The following PCDHA1 variants were observed in gnomAD, a reference collection of about 807,000 sequenced individuals.
PCDHA1 encodes the protein protocadherin alpha-1.
A neutral mutation model predicts 61.3 loss-of-function variants in PCDHA1; 42 were observed. That is an observed-to-expected ratio of 0.69 (90% CI 0.54 to 0.89). The LOEUF (loss-of-function observed/expected upper bound fraction) is 0.89, where lower values mean the gene tolerates loss of function less well. PCDHA1 is among the 40% of genes least tolerant of loss of function. The pLI is 0.00. For missense variants in PCDHA1, 1,256 were observed against 1,235.3 expected, an observed-to-expected ratio of 1.02 and a Z score of -0.25; for synonymous variants, 610 against 553.8, an observed-to-expected ratio of 1.10 and a Z score of -1.43.
At chr5:140,824,177 T>C in intron 1 of PCDHA1, 1 of 1,609,658 alleles carries the variant, frequency 6.2e-7, no homozygotes, top group East Asian at 2.2e-5. Context: ...TTTTCAAATA[T>C]TAAATGTCAC....
At chr5:140,971,586 C>G (rs1290834481) in intron 1 of PCDHA1, among the ~76,000 whole-genome samples, 1 of 152,022 alleles carries the variant, frequency 6.6e-6, no homozygotes, top group Non-Finnish European at 1.5e-5. Context: ...TTTTTCCTAC[C>G]TAGTTACTAC....
At chr5:141,004,810 A>G (rs2098182429) in intron 3 of PCDHA1, among the ~76,000 whole-genome samples, 1 of 152,224 alleles carries the variant, frequency 6.6e-6, no homozygotes, top group Non-Finnish European at 1.5e-5. Flanking sequence ...GCTCAATTGC[A>G]GATTTGATTA....
chr5:140,893,583 T>G (rs535910), intron 1 of PCDHA1, among the ~76,000 whole-genome samples: 7,078 of 152,294 alleles, frequency 0.046, 293 homozygotes, highest in African/African-American at 0.11. Context: ...TTTGCTTGTT[T>G]GGGAAATACT....
rs781994179 is a variant in PCDHA1 at position 140,786,867 on chromosome 5, T to C, written c.577T>C (p.Trp193Arg). The C allele has an allele frequency of 6.2e-6, 10 of 1,614,088 alleles. No individual in the cohort carries two copies. Among genetic ancestry groups the C allele is most frequent in the East Asian group, 4.5e-5 (2 of 44,898 alleles). Residue 193 changes from tryptophan to arginine, a missense_variant, in exon 1 of 4, where the codon TGG (tryptophan) becomes CGG (arginine). Transcript: ENST00000504120. Reference sequence around the variant, plus strand: ...AAGTGATGAACTGAGTAAATCTCTTTGGCTTGAATTGAGAAAATATTTGGA... The same window carrying C: ...AAGTGATGAACTGAGTAAATCTCTTCGGCTTGAATTGAGAAAATATTTGGA... ...EASDELSKSL[W>R]LELRKYLDRE...
intron 1 of PCDHA1, chr5:140,822,368 C>T: frequency 6.2e-7 from 1 of 1,614,006 alleles, no homozygotes; most frequent in South Asian, 1.1e-5. Flanking sequence ...TTGAGGAAAT[C>T]CTTAGATAGA....
At chr5:140,884,254 G>A (rs1554181387) in intron 1 of PCDHA1, 2 of 1,613,406 alleles carry the variant, frequency 1.2e-6, no homozygotes, top group Admixed American at 1.7e-5. Flanking sequence ...TGACGGCCAC[G>A]GCAACGGTGC....
chr5:140,834,368 A>C (rs2150215878), intron 1 of PCDHA1: 10 of 1,555,242 alleles, frequency 6.4e-6, no homozygotes, highest in African/African-American at 1.4e-5. Flanking sequence ...CTAGAAAAAC[A>C]AGCCAATAAT....
At chr5:140,870,239 G>A (rs781847723) in intron 1 of PCDHA1, 2 of 1,614,134 alleles carry the variant, frequency 1.2e-6, no homozygotes, top group South Asian at 1.1e-5. Flanking sequence ...CGTGACTCAG[G>A]TGTCAACGGA....
chr5:140,920,692 A>T (rs552577858), intron 1 of PCDHA1, among the ~76,000 whole-genome samples: 7 of 152,114 alleles, frequency 4.6e-5, no homozygotes, highest in Non-Finnish European at 7.4e-5. Flanking sequence ...AAAAATACAA[A>T]CATTAGCTTG....
intron 1 of PCDHA1, chr5:140,835,865 G>C: frequency 1.2e-6 from 2 of 1,612,146 alleles, no homozygotes; most frequent in Non-Finnish European, 8.5e-7. Flanking sequence ...CCTACTCGCT[G>C]GTGGAGCTGC....
intron 1 of PCDHA1, chr5:140,927,896 A>T: frequency 1.2e-6 from 2 of 1,614,200 alleles, no homozygotes; most frequent in Non-Finnish European, 1.7e-6. Flanking sequence ...GACGTGAACG[A>T]TCATGCCCCC....
In PCDHA1 at chr5:140,876,831, T is replaced by G. The variant is rs201991889; in HGVS notation, c.2394+88147T>G. Reference sequence around the variant, plus strand: ...TGGCCGACGTGAACGACAATGCGCCTGCGTTCGCGCAGCCCGAGTACACAG... The same window carrying G: ...TGGCCGACGTGAACGACAATGCGCCGGCGTTCGCGCAGCCCGAGTACACAG... On this transcript the variant is annotated intron_variant, in intron 1 of 3. Coordinates refer to ENST00000504120, the MANE Select transcript of PCDHA1 (RefSeq NM_018900.4). 1.5e-4 allele frequency: 250 copies of G among 1,614,080 alleles called. 4 individuals are homozygous for G. In the East Asian group the frequency reaches 3.4e-3, roughly 22 times the overall value.
chr5:140,851,579 C>T lies in PCDHA1; in HGVS notation c.2394+62895C>T, dbSNP rs527993952. On this transcript the variant is annotated intron_variant, in intron 1 of 3. Transcript: ENST00000504120. ...ACTGAAATTTTGTCTACACTTAGAA[C>T]ATTTTTTGAAATTCAGTTTACAGAA... 1.1e-5 allele frequency: 10 copies of T among 913,374 alleles called. No homozygotes were observed. In the South Asian group the frequency reaches 4.0e-4, roughly 36 times the overall value. 56.6% of individuals were successfully genotyped at this position (913,374 alleles called of 1,614,324 possible).
intron 1 of PCDHA1, chr5:140,824,262 T>G: frequency 7.6e-7 from 1 of 1,308,960 alleles, no homozygotes; most frequent in Non-Finnish European, 1.1e-6. Context: ...ATTGCACTAA[T>G]TCATGTATTA....
intron 1 of PCDHA1, among the ~76,000 whole-genome samples, chr5:140,977,613 G>T (rs1554238687): frequency 2.0e-5 from 3 of 152,150 alleles, no homozygotes; most frequent in African/African-American, 7.2e-5. Flanking sequence ...TTGAGGTAAA[G>T]TATCCCAGAG....
chr5:140,853,351 C>T, intron 1 of PCDHA1: 1 of 982,872 alleles, frequency 1.0e-6, no homozygotes, highest in Non-Finnish European at 1.2e-6. Context: ...CAAACATGAA[C>T]TCACAGGGAT....
At chr5:140,800,264 C>T (rs1385506685) in intron 1 of PCDHA1, among the ~76,000 whole-genome samples, 6 of 151,988 alleles carry the variant, frequency 3.9e-5, no homozygotes, top group Admixed American at 2.0e-4. Flanking sequence ...AAACAAATTT[C>T]CTGTTTGAAT....
At chr5:140,798,342 T>C (rs1382556100) in intron 1 of PCDHA1, among the ~76,000 whole-genome samples, 2 of 152,218 alleles carry the variant, frequency 1.3e-5, no homozygotes, top group Admixed American at 1.3e-4. Flanking sequence ...GATTTCACAC[T>C]GATAACATTT....
At chr5:140,979,043 C>A (rs782371496) in intron 2 of PCDHA1, 36 bp downstream of exon 2, 2 of 1,612,500 alleles carry the variant, frequency 1.2e-6, no homozygotes, top group Non-Finnish European at 1.7e-6. Context: ...CAGAAGTAAC[C>A]TTAACTTGGT....
Sources: allele counts gnomAD v4.1 joint callset (sites outside exome capture counted in the v4.1 genomes callset), GRCh38; gene constraint gnomAD v4.1.1; transcripts MANE v1.5; gene names NCBI Gene and HGNC (gene_info 2026-07-23, HGNC 2026-07-21).